Variants in EPX observed in about 807,000 individuals in gnomAD.
EPX encodes eosinophil peroxidase.
A neutral mutation model predicts 73.0 loss-of-function variants in EPX; 60 were observed. That is an observed-to-expected ratio of 0.82 (90% CI 0.67 to 1.02). The LOEUF is 1.02. Among genes scored for constraint, EPX ranks in the 50% least tolerant of loss-of-function variants. The pLI is 0.00. For synonymous variants in EPX, 347 were observed against 389.2 expected, an observed-to-expected ratio of 0.89 and a Z score of 1.28; for missense variants, 950 against 973.9, an observed-to-expected ratio of 0.98 and a Z score of 0.33.
intron 11 of EPX, among the ~76,000 whole-genome samples, chr17:58,203,768 TAAAAATACA>T (rs1021070284): frequency 6.7e-5 from 10 of 150,280 alleles, no homozygotes; most frequent in Non-Finnish European, 1.3e-4. Context: ...CCGTCTCTAC[TAAAAATACA>T]AAAAATTAGC....
rs371395875 is a variant in EPX at position 58,195,203 on chromosome 17, G to C, written c.801+33G>C. On this transcript the variant is annotated intron_variant, in intron 6 of 12. Transcript: ENST00000225371. ...CCCTCAGCCAATCTCCCATGCCCTT[G>C]TGTGGCCTCCCCCAAAGGCAAGGTG... 4 of 1,561,598 alleles carry C rather than the reference G, an allele frequency of 2.6e-6. No homozygotes were observed. In the African/African-American group the frequency reaches 4.1e-5, roughly 16 times the overall value.
rs928979699 is a variant in EPX, at chr17:58,205,093, C to T, written c.*369C>T. On this transcript the variant is annotated 3_prime_UTR_variant, in exon 13 of 13. Coordinates refer to ENST00000225371, the MANE Select transcript of EPX (RefSeq NM_000502.6). Reference sequence around the variant, plus strand: ...GACTAAGAGACCACTCGGTCCTAGCCTCCAGACACCCCACAATACTCCTCT... The same window carrying T: ...GACTAAGAGACCACTCGGTCCTAGCTTCCAGACACCCCACAATACTCCTCT... 3 of 166,596 alleles carry T rather than the reference C, an allele frequency of 1.8e-5. No individual in the cohort carries two copies. The highest frequency in any genetic ancestry group is 7.2e-5 in the African/African-American group (3 of 41,544). The allele number at this position is 166,596 out of a possible 1,614,324, so 10.3% of individuals were successfully genotyped here. A position where few individuals can be genotyped will look rare whatever the true frequency, so the allele number is the denominator to read the frequency against.
At chr17:58,193,277 C>A in intron 2 of EPX, 94 bp from the exon 3 acceptor site, 1 of 1,361,404 alleles carries the variant, frequency 7.3e-7, no homozygotes, top group African/African-American at 1.4e-5. Flanking sequence ...ATCCTTCTGT[C>A]CGCTTGCCCT....
At chr17:58,201,111 T>G (rs574545398) in intron 10 of EPX, among the ~76,000 whole-genome samples, 1 of 152,340 alleles carries the variant, frequency 6.6e-6, no homozygotes, top group Non-Finnish European at 1.5e-5. Context: ...TCAACCCCAG[T>G]AGGGGAAGGT....
Position 58,199,628 on chromosome 17 carries a change from T to C in EPX, c.1371T>C (p.Asn457=), listed in dbSNP as rs1968310882. The C allele has an allele frequency of 6.2e-7, 1 of 1,614,202 alleles. No homozygotes were observed. The highest frequency in any genetic ancestry group is 8.5e-7 in the Non-Finnish European group (1 of 1,180,032). The change falls in exon 9 of 13, where the codon AAT becomes AAC. Residue 457 remains asparagine, a synonymous_variant. Coordinates refer to ENST00000225371, the MANE Select transcript of EPX (RefSeq NM_000502.6). The part of the protein sequence containing the change: ...TLGHYRGYCS[N]VDPRVANVFT... ...GGCACTACAGGGGGTACTGCTCCAATGTGGACCCACGGGTGGCCAATGTCT... is the reference window on the plus strand; with the variant it reads ...GGCACTACAGGGGGTACTGCTCCAACGTGGACCCACGGGTGGCCAATGTCT...
chr17:58,196,944 ACCCAATGACC>A lies in EPX; in HGVS notation c.811_820del (p.Asn271AlafsTer129), dbSNP rs749651815. The A allele has an allele frequency of 5.7e-5, 92 of 1,613,354 alleles. No homozygotes were observed. Among genetic ancestry groups the A allele is most frequent in the Non-Finnish European group, 7.3e-5 (86 of 1,179,880 alleles). ...TGTCTCCTCTTCCATCTCAGATCCCACCCAATGACCCCCGCATCAAGAACCAGCGTGACTG... is the reference window on the plus strand; with the variant it reads ...TGTCTCCTCTTCCATCTCAGATCCCACCCGCATCAAGAACCAGCGTGACTG... On this transcript the variant is annotated frameshift_variant, in exon 7 of 13. Coordinates refer to ENST00000225371, the MANE Select transcript of EPX (RefSeq NM_000502.6). LOFTEE classifies it high-confidence loss of function.
rs759222394 is a variant in EPX at position 58,197,080 on chromosome 17, T to C, written c.943T>C (p.Tyr315His). The change falls in exon 7 of 13, where the codon TAT (tyrosine) becomes CAT (histidine). Residue 315 changes from tyrosine (Y) to histidine (H), a missense_variant. Coordinates refer to ENST00000225371, the MANE Select transcript of EPX (RefSeq NM_000502.6). ...LTSFVDASMV[Y>H]GSEVSLSLRL... ...CTCCTTTGTGGACGCCAGCATGGTGTATGGCAGTGAGGTCTCCCTCTCGCT... is the reference window on the plus strand; with the variant it reads ...CTCCTTTGTGGACGCCAGCATGGTGCATGGCAGTGAGGTCTCCCTCTCGCT... The C allele has an allele frequency of 1.9e-6, 3 of 1,614,174 alleles. No homozygotes were observed. The highest frequency in any genetic ancestry group is 1.1e-5 in the South Asian group (1 of 91,080).
rs780310384 is a variant in EPX at position 58,197,055 on chromosome 17, C to T, written c.918C>T (p.Thr306=). ...TCCGCAACCAGATCAACGCGCTCAC[C>T]TCCTTTGTGGACGCCAGCATGGTGT... ...NRVRNQINAL[T]SFVDASMVYG... The change falls in exon 7 of 13, where the codon ACC becomes ACT. Residue 306 remains threonine (T), a synonymous_variant. Coordinates refer to ENST00000225371, the MANE Select transcript of EPX (RefSeq NM_000502.6). 1.9e-6 allele frequency: 3 copies of T among 1,614,108 alleles called. No homozygotes were observed. Among genetic ancestry groups the T allele is most frequent in the Non-Finnish European group, 2.5e-6 (3 of 1,180,048 alleles).
rs199786517 is a variant in EPX at position 58,197,035 on chromosome 17, A to C, written c.898A>C (p.Asn300His). The C allele has an allele frequency of 2.4e-5, 39 of 1,614,086 alleles. No homozygotes were observed. In the East Asian group the frequency reaches 8.2e-4, roughly 34 times the overall value. ...CCCCCAAAACAAGAACAGAGTCCGC[A>C]ACCAGATCAACGCGCTCACCTCCTT... ...SCPQNKNRVR[N>H]QINALTSFVD... is the part of the protein sequence containing the mutation. Residue 300 changes from asparagine (N) to histidine (H), a missense_variant, in exon 7 of 13, where the codon AAC becomes CAC. Coordinates refer to ENST00000225371, the MANE Select transcript of EPX (RefSeq NM_000502.6).
At chr17:58,198,965 A>T in intron 7 of EPX, 75 bp from the exon 8 acceptor site, 1 of 1,528,522 alleles carries the variant, frequency 6.5e-7, no homozygotes, top group Non-Finnish European at 9.0e-7. Flanking sequence ...TCCCATCCCC[A>T]GCCCTGGGTC....
chr17:58,201,706 C>T (rs927587055), intron 10 of EPX, among the ~76,000 whole-genome samples: 2 of 152,148 alleles, frequency 1.3e-5, no homozygotes, highest in African/African-American at 2.4e-5. Context: ...TTCAGTTGGG[C>T]CTTTGCCCAT....
chr17:58,201,407 G>A (rs1445881714), intron 10 of EPX, among the ~76,000 whole-genome samples: 2 of 151,942 alleles, frequency 1.3e-5, no homozygotes, highest in East Asian at 3.9e-4. Context: ...GGAAGGCAAG[G>A]GTTAAGGAAA....
intron 11 of EPX, 27 bp downstream of exon 11, chr17:58,203,345 C>A: frequency 6.9e-7 from 1 of 1,457,932 alleles, no homozygotes; most frequent in Non-Finnish European, 9.6e-7. Context: ...TAAAAGACAT[C>A]AGCACCAGAG....
chr17:58,195,212 C>A, intron 6 of EPX, 42 bp downstream of exon 6: 1 of 1,501,702 alleles, frequency 6.7e-7, no homozygotes, highest in Non-Finnish European at 9.3e-7. Flanking sequence ...TGTGTGGCCT[C>A]CCCCAAAGGC....
intron 2 of EPX, 119 bp from the exon 3 acceptor site, chr17:58,193,252 G>A (rs1968203332): frequency 8.0e-7 from 1 of 1,247,400 alleles, no homozygotes; most frequent in East Asian, 2.3e-5. Flanking sequence ...TGTTGGTAGA[G>A]CCTCCCTTCC....
In EPX at chr17:58,193,783, A is replaced by T; in HGVS notation, c.416A>T (p.Glu139Val). ...ASGCALRDQAERCSDKYRTIT... is the reference protein window; with the variant it reads ...ASGCALRDQAVRCSDKYRTIT... ...GGCTGTGCTCTCCGGGACCAGGCCG[A>T]GCGCTGCAGCGACAAGTACCGCACC... Residue 139 changes from glutamate (E) to valine (V), a missense_variant, in exon 4 of 13, where the codon GAG (glutamate) becomes GTG (valine). Physicochemically the swap from Glu to Val is moderately radical, Grantham distance 121. Coordinates refer to ENST00000225371, the MANE Select transcript of EPX (RefSeq NM_000502.6). 1 of 1,613,172 alleles carries T rather than the reference A, an allele frequency of 6.2e-7. No individual in the cohort carries two copies. Among genetic ancestry groups the T allele is most frequent in the Non-Finnish European group, 8.5e-7 (1 of 1,179,960 alleles).
At chr17:58,195,501 C>T (rs1370690643) in intron 6 of EPX, among the ~76,000 whole-genome samples, 2 of 152,180 alleles carry the variant, frequency 1.3e-5, no homozygotes, top group Non-Finnish European at 2.9e-5. Context: ...TTAGCTCTTG[C>T]CCTTCTCTCC....
chr17:58,199,402 C>G, intron 8 of EPX, 137 bp from the exon 9 acceptor site: 1 of 1,160,794 alleles, frequency 8.6e-7, no homozygotes, highest in Non-Finnish European at 1.3e-6. Flanking sequence ...GGCTTTGTAT[C>G]TCCACCCACC....
chr17:58,192,872 G>C lies in EPX; in HGVS notation c.26G>C (p.Gly9Ala). The C allele has an allele frequency of 4.3e-6, 7 of 1,614,126 alleles. No individual in the cohort carries two copies. Among genetic ancestry groups the C allele is most frequent in the Non-Finnish European group, 5.9e-6 (7 of 1,179,978 alleles). The change falls in exon 1 of 13, where the codon GGG (glycine) becomes GCG (alanine). Residue 9 changes from glycine (G) to alanine (A), a missense_variant. Transcript: ENST00000225371. MHLLPALA[G>A]VLATLVLAQP... ...ATGCATCTGCTCCCAGCCCTGGCAGGGGTCCTGGCCACACTCGTCCTCGCC... is the reference window on the plus strand; with the variant it reads ...ATGCATCTGCTCCCAGCCCTGGCAGCGGTCCTGGCCACACTCGTCCTCGCC...
Sources: allele counts gnomAD v4.1 joint callset (sites outside exome capture counted in the v4.1 genomes callset), GRCh38; gene constraint gnomAD v4.1.1; transcripts MANE v1.5; gene names NCBI Gene and HGNC (gene_info 2026-07-23, HGNC 2026-07-21).